PBX3: variants seen among roughly 807,000 people sequenced by gnomAD.
PBX3 encodes PBX homeobox 3.
PBX3 carries 14 observed loss-of-function variants against 48.5 expected under a neutral mutation model. The ratio of observed to expected loss-of-function variants is 0.29; its 90% confidence interval spans 0.19 to 0.45. The LOEUF (loss-of-function observed/expected upper bound fraction) is 0.45, where lower values mean the gene tolerates loss of function less well. Among genes scored for constraint, PBX3 ranks in the 20% least tolerant of loss-of-function variants. The pLI, the probability that PBX3 is intolerant of heterozygous loss-of-function variation, is 1.00. For synonymous variants in PBX3, 210 were observed against 200.3 expected (o/e 1.05, Z -0.41); for missense variants, 386 against 546.7 (o/e 0.71, Z 2.93).
chr9:125,780,680 C>T (rs1166986333), intron 2 of PBX3, among the ~76,000 whole-genome samples: 176 of 113,072 alleles, frequency 1.6e-3, no homozygotes, highest in East Asian at 6.4e-3. Flanking sequence ...GGCGGCTGGC[C>T]GGGCGGGGGG....
chr9:125,751,206 AT>A (rs1836366366), intron 2 of PBX3, among the ~76,000 whole-genome samples: 1 of 152,232 alleles, frequency 6.6e-6, no homozygotes, highest in Non-Finnish European at 1.5e-5. Context: ...CAGAAACATT[AT>A]GTTGATGACT....
intron 5 of PBX3, among the ~76,000 whole-genome samples, chr9:125,944,802 A>G (rs1233679175): frequency 6.6e-6 from 1 of 152,108 alleles, no homozygotes; most frequent in African/African-American, 2.4e-5. Context: ...AAGGCTACAG[A>G]CTGTGAAGAC....
chr9:125,831,236 T>C (rs1838954604), intron 2 of PBX3, among the ~76,000 whole-genome samples: 1 of 152,226 alleles, frequency 6.6e-6, no homozygotes, highest in South Asian at 2.1e-4. Context: ...TTAGTCATCT[T>C]ACTTTTTGCA....
intron 2 of PBX3, among the ~76,000 whole-genome samples, chr9:125,811,999 A>G (rs993440801): frequency 2.0e-5 from 3 of 152,188 alleles, no homozygotes; most frequent in Admixed American, 2.0e-4. Context: ...ATACCCTTGT[A>G]AAATAGGCCC....
chr9:125,902,424 C>T (rs1404290382), intron 2 of PBX3, among the ~76,000 whole-genome samples: 1 of 151,538 alleles, frequency 6.6e-6, no homozygotes, highest in Non-Finnish European at 1.5e-5. Context: ...CAGAGAGTAT[C>T]CAGATTTGAC....
At chr9:125,838,438 C>T (rs1346973012) in intron 2 of PBX3, among the ~76,000 whole-genome samples, 1 of 152,202 alleles carries the variant, frequency 6.6e-6, no homozygotes, top group Non-Finnish European at 1.5e-5. Context: ...CTACATCACA[C>T]TACAAACTGC....
intron 2 of PBX3, among the ~76,000 whole-genome samples, chr9:125,851,445 C>T (rs565777435): frequency 8.6e-4 from 131 of 152,146 alleles, no homozygotes; most frequent in Middle Eastern, 3.4e-3. Flanking sequence ...TCATTGAAAA[C>T]CAAGGTGGGA....
At chr9:125,920,120 A>G (rs1841425605) in intron 3 of PBX3, among the ~76,000 whole-genome samples, 1 of 152,142 alleles carries the variant, frequency 6.6e-6, no homozygotes, top group Non-Finnish European at 1.5e-5. Context: ...AAACTATTTT[A>G]TTTTCTTCTT....
At chr9:125,818,157 C>T (rs933827747) in intron 2 of PBX3, among the ~76,000 whole-genome samples, 4 of 150,204 alleles carry the variant, frequency 2.7e-5, no homozygotes, top group African/African-American at 9.8e-5. Flanking sequence ...TGAGATGGTG[C>T]CACTGCACTC....
intron 2 of PBX3, among the ~76,000 whole-genome samples, chr9:125,841,171 A>G (rs1365887611): frequency 6.6e-6 from 1 of 152,200 alleles, no homozygotes; most frequent in Non-Finnish European, 1.5e-5. Context: ...AAATTGTCTA[A>G]GTCACCTAGT....
chr9:125,872,868 G>A (rs1034328169), intron 2 of PBX3, among the ~76,000 whole-genome samples: 6 of 151,306 alleles, frequency 4.0e-5, no homozygotes, highest in Non-Finnish European at 5.9e-5. Context: ...TACTAGATAC[G>A]TAGGCTTAAA....
intron 2 of PBX3, among the ~76,000 whole-genome samples, chr9:125,773,211 A>G (rs566295446): frequency 1.3e-5 from 2 of 152,310 alleles, no homozygotes; most frequent in South Asian, 4.1e-4. Flanking sequence ...ATGGGGTAAT[A>G]GTGGGGTTAA....
intron 2 of PBX3, among the ~76,000 whole-genome samples, chr9:125,793,364 A>ATATATATATATATATATAT (rs1263966407): frequency 5.4e-4 from 32 of 59,084 alleles, no homozygotes; most frequent in African/African-American, 1.5e-3. Context: ...GGGGAAAAAA[A>ATATATATATATATATATAT]AAATATATAT....
intron 2 of PBX3, among the ~76,000 whole-genome samples, chr9:125,882,932 C>G (rs1307408342): frequency 6.6e-6 from 1 of 152,164 alleles, no homozygotes; most frequent in East Asian, 1.9e-4. Context: ...GAAGTATTTG[C>G]AACATTAGAA....
At chr9:125,850,285 G>A (rs1395892272) in intron 2 of PBX3, among the ~76,000 whole-genome samples, 1 of 151,980 alleles carries the variant, frequency 6.6e-6, no homozygotes, top group African/African-American at 2.4e-5. Context: ...GGTTTGGCAC[G>A]ATTTGGAACA....
intron 2 of PBX3, among the ~76,000 whole-genome samples, chr9:125,835,729 G>A (rs1191879653): frequency 2.0e-5 from 3 of 152,180 alleles, no homozygotes; most frequent in African/African-American, 4.8e-5. Flanking sequence ...TGGCAAGGAT[G>A]TAGAGACAGG....
chr9:125,933,192 C>CTCTGCTCTAGGCAAACATGCTCAG (rs1841758017), intron 4 of PBX3, among the ~76,000 whole-genome samples: 1 of 152,262 alleles, frequency 6.6e-6, no homozygotes, highest in East Asian at 1.9e-4. Flanking sequence ...AGGCAAGGGG[C>CTCTGCTCTAGGCAAACATGCTCAG]TCTGCTCTAG....
intron 2 of PBX3, among the ~76,000 whole-genome samples, chr9:125,902,171 T>C (rs73667286): frequency 0.038 from 5,799 of 151,642 alleles, 390 homozygotes; most frequent in African/African-American, 0.13. Flanking sequence ...TCCAAGAACC[T>C]AAACTGAAAA....
At chr9:125,780,780 CCCCCACCT>C (rs1837265239) in intron 2 of PBX3, among the ~76,000 whole-genome samples, 1 of 145,440 alleles carries the variant, frequency 6.9e-6, no homozygotes, top group Non-Finnish European at 1.5e-5. Flanking sequence ...GGGGCTGACC[CCCCCACCT>C]CCCTCCCGGA....
Sources: allele counts gnomAD v4.1 joint callset (sites outside exome capture counted in the v4.1 genomes callset), GRCh38; gene constraint gnomAD v4.1.1; transcripts MANE v1.5; gene names NCBI Gene and HGNC (gene_info 2026-07-23, HGNC 2026-07-21).